RTL9: variants seen among roughly 807,000 people sequenced by gnomAD.
The protein encoded by RTL9 is retrotransposon Gag-like protein 9.
RTL9 carries 19 observed loss-of-function variants against 44.7 expected under a neutral mutation model. That is an observed-to-expected ratio of 0.42 (90% CI 0.30 to 0.62). RTL9 has a LOEUF of 0.62. Ranked by LOEUF, RTL9 falls within the 20% of genes least tolerant of loss-of-function variation. The pLI, the probability that RTL9 is intolerant of heterozygous loss-of-function variation, is 0.16. For synonymous variants in RTL9, 407 were observed against 398.9 expected (o/e 1.02, Z -0.24); for missense variants, 1,105 against 1,080.6 (o/e 1.02, Z -0.32).
At chrX:110,416,339 C>T (rs2068677300), upstream of RTL9, among the ~76,000 whole-genome samples, 2 of 112,121 alleles carry the variant, frequency 1.8e-5, no homozygotes, top group South Asian at 3.7e-4. Flanking sequence ...TTTGATTTAA[C>T]GAACCGTTGT....
chrX:110,452,558 C>A, exon 1 of RTL9: 1 of 1,211,675 alleles, frequency 8.3e-7, no homozygotes, highest in East Asian at 3.0e-5. Context: ...TAATGAGAGA[C>A]ACAGTTTCTG....
intron 1 of RTL9, among the ~76,000 whole-genome samples, chrX:110,436,222 G>A (rs959569985): frequency 1.8e-5 from 2 of 111,732 alleles, no homozygotes; most frequent in Non-Finnish European, 3.8e-5. Flanking sequence ...GGACTTCGAA[G>A]GCATTTCCAT....
At chrX:110,406,039 G>T (rs904206617) in intron 1 of RTL9, among the ~76,000 whole-genome samples, 2 of 110,807 alleles carry the variant, frequency 1.8e-5, no homozygotes, top group East Asian at 2.8e-4. Flanking sequence ...TTAGAGATTT[G>T]TTCTTTTCTC....
chrX:110,429,018 G>C (rs376251479), intron 1 of RTL9, among the ~76,000 whole-genome samples: 10 of 111,616 alleles, frequency 9.0e-5, no homozygotes, highest in African/African-American at 3.3e-4. Flanking sequence ...CACGGCTTTT[G>C]TCAGGCTGTT....
At chrX:110,452,190 A>G (rs35653272) in exon 1 of RTL9, 18 of 1,210,463 alleles carry the variant, frequency 1.5e-5, no homozygotes, top group Non-Finnish European at 1.9e-5. Context: ...AACAATGTCC[A>G]TGCCACAATT....
chrX:110,422,795 A>T (rs181862189), intron 1 of RTL9, among the ~76,000 whole-genome samples: 65 of 111,668 alleles, frequency 5.8e-4, no homozygotes, highest in African/African-American at 1.9e-3. Flanking sequence ...AAGAAAAGAG[A>T]TCTTCCCCAA....
At chrX:110,414,892 C>T (rs186414283), upstream of RTL9, among the ~76,000 whole-genome samples, 112 of 112,220 alleles carry the variant, frequency 1.0e-3, no homozygotes, top group African/African-American at 3.5e-3. Flanking sequence ...ACCACTTGCC[C>T]ATGCAGTCAC....
At position 110,400,158 on chromosome X, in the gene RTL9, C is replaced by T. The variant is rs777808462; in HGVS notation, c.-168+41242C>T. On this transcript the variant is annotated intron_variant, in intron 1 of 2. Transcript: ENST00000520821. ...AGCGCAGTAAATAATCTCTTACACACACATTTGGGTGCAATTTCTAAAATT... is the reference window on the plus strand; with the variant it reads ...AGCGCAGTAAATAATCTCTTACACATACATTTGGGTGCAATTTCTAAAATT... Among the ~76,000 whole-genome samples the T allele has an allele frequency of 2.6e-3, 274 of 107,369 alleles. 3 individuals are homozygous for T. The highest frequency in any genetic ancestry group is 9.2e-3 in the African/African-American group (270 of 29,375). 93.2% of individuals were successfully genotyped at this position (107,369 alleles called of 115,157 possible).
At chrX:110,449,239 A>T (rs1159075748), upstream of RTL9, among the ~76,000 whole-genome samples, 1 of 112,005 alleles carries the variant, frequency 8.9e-6, no homozygotes, top group Non-Finnish European at 1.9e-5. Context: ...TTTGTAAGAT[A>T]AAGGAAGAGT....
At chrX:110,425,986 AC>A (rs2068750756) in intron 1 of RTL9, among the ~76,000 whole-genome samples, 1 of 112,207 alleles carries the variant, frequency 8.9e-6, no homozygotes, top group Non-Finnish European at 1.9e-5. Context: ...GCGCGCACAC[AC>A]ACACACACAC....
intron 1 of RTL9, among the ~76,000 whole-genome samples, chrX:110,442,673 C>T (rs1264608954): frequency 8.9e-6 from 1 of 111,937 alleles, no homozygotes; most frequent in Non-Finnish European, 1.9e-5. Context: ...CCTAGGTGTA[C>T]TGGATGGACT....
exon 1 of RTL9, chrX:110,452,351 A>G (rs2068948669): frequency 6.6e-6 from 8 of 1,210,106 alleles, no homozygotes; most frequent in South Asian, 1.8e-5. Context: ...TGTCCACCCC[A>G]CTAATGACAG....
chrX:110,452,049 A>G, exon 1 of RTL9: 3 of 1,211,835 alleles, frequency 2.5e-6, no homozygotes. Context: ...AGCAATGCCC[A>G]CAGGCTCTAT....
At chrX:110,423,076 C>T (rs186425268) in intron 1 of RTL9, among the ~76,000 whole-genome samples, 17 of 112,106 alleles carry the variant, frequency 1.5e-4, no homozygotes, top group Middle Eastern at 4.6e-3. Context: ...GCCTGTAATC[C>T]CAGCACTTTG....
At chrX:110,417,215 A>T (rs1180802357), upstream of RTL9, among the ~76,000 whole-genome samples, 2 of 112,186 alleles carry the variant, frequency 1.8e-5, no homozygotes, top group African/African-American at 6.5e-5. Context: ...AGCCAGGCCT[A>T]GACAATGGCG....
upstream of RTL9, among the ~76,000 whole-genome samples, chrX:110,448,359 C>G (rs2068919885): frequency 9.0e-6 from 1 of 110,614 alleles, no homozygotes; most frequent in Non-Finnish European, 1.9e-5. Context: ...GTGCCTGGGT[C>G]CCAGGACTCC....
At chrX:110,450,921 C>T in exon 1 of RTL9, 1 of 1,211,885 alleles carries the variant, frequency 8.3e-7, no homozygotes, top group Non-Finnish European at 1.1e-6. Flanking sequence ...GGCACTTTCC[C>T]CATTGCTAAT....
intron 1 of RTL9, among the ~76,000 whole-genome samples, chrX:110,380,280 A>C (rs1473283398): frequency 8.9e-6 from 1 of 112,103 alleles, no homozygotes; most frequent in African/African-American, 3.2e-5. Flanking sequence ...GGGACAATAA[A>C]AGATTTTGTA....
chrX:110,440,782 G>A (rs1006993630), intron 1 of RTL9, among the ~76,000 whole-genome samples: 1 of 112,273 alleles, frequency 8.9e-6, no homozygotes, highest in Admixed American at 9.4e-5. Flanking sequence ...GTAAATGTCA[G>A]CTTCTTAAAA....
Sources: allele counts gnomAD v4.1 joint callset (sites outside exome capture counted in the v4.1 genomes callset), GRCh38; gene constraint gnomAD v4.1.1; transcripts MANE v1.5; gene names NCBI Gene and HGNC (gene_info 2026-07-23, HGNC 2026-07-21).